The following SAMD4A variants were observed in gnomAD, a reference collection of about 807,000 sequenced individuals.
The protein encoded by SAMD4A is sterile alpha motif domain containing 4A, also known as protein Smaug homolog 1.
In SAMD4A, 33 loss-of-function variants were observed where a neutral mutation model predicts 81.3. The ratio of observed to expected loss-of-function variants is 0.41; its 90% confidence interval spans 0.31 to 0.54. The LOEUF is 0.54. Ranked by LOEUF, SAMD4A falls within the 20% of genes least tolerant of loss-of-function variation. The pLI is 0.37. For missense variants in SAMD4A, 854 were observed against 951.1 expected, an observed-to-expected ratio of 0.90 and a Z score of 1.34; for synonymous variants, 389 against 382.1, an observed-to-expected ratio of 1.02 and a Z score of -0.21.
rs1344485748 is a variant in SAMD4A, at chr14:54,724,040, G to GGAAGGAAGGAAGGAAGGAA, written c.716-12973_716-12972insGGAAGGAAGAAGGAAGGAA. Among the ~76,000 whole-genome samples the GGAAGGAAGGAAGGAAGGAA allele has an allele frequency of 9.7e-4, 146 of 150,882 alleles. 2 individuals are homozygous for GGAAGGAAGGAAGGAAGGAA. Among genetic ancestry groups the GGAAGGAAGGAAGGAAGGAA allele is most frequent in the African/African-American group, 3.4e-3 (141 of 41,148 alleles). Reference sequence around the variant, plus strand: ...AGGAAGGAAGGAAGGAAGGAAGGAAGGAAGGAAGGAATAATGCAGGACGCA... The same window carrying GGAAGGAAGGAAGGAAGGAA: ...AGGAAGGAAGGAAGGAAGGAAGGAAGGAAGGAAGGAAGGAAGGAAGAAGGAAGGAATAATGCAGGACGCA... On this transcript the variant is annotated intron_variant, in intron 3 of 12. Transcript: ENST00000554335.
In SAMD4A at chr14:54,737,010, AT is replaced by A. The variant is rs543681106; in HGVS notation, c.716-5del. On this transcript the variant is annotated splice_polypyrimidine_tract_variant and intron_variant, in intron 3 of 12. Coordinates refer to ENST00000554335, the MANE Select transcript of SAMD4A (RefSeq NM_015589.6). ...GGGGGGGAATAACCTATTTCATTTT[AT>A]TTTTTTTTCCAGTTCTCTCAGGCCA... is the stretch of plus-strand genomic sequence containing the variant. 19 of 1,594,084 alleles carry A rather than the reference AT, an allele frequency of 1.2e-5. No individual in the cohort carries two copies. Among genetic ancestry groups the A allele is most frequent in the South Asian group, 7.8e-5 (7 of 90,130 alleles).
intron 2 of SAMD4A, among the ~76,000 whole-genome samples, chr14:54,659,281 G>A (rs1191578858): frequency 6.6e-6 from 1 of 152,132 alleles, no homozygotes; most frequent in Admixed American, 6.5e-5. Context: ...AAATCTCTAT[G>A]GGTGTGGAAT....
intron 4 of SAMD4A, among the ~76,000 whole-genome samples, chr14:54,742,560 A>C (rs2037871486): frequency 6.6e-6 from 1 of 152,190 alleles, no homozygotes; most frequent in African/African-American, 2.4e-5. Context: ...AGCTGGGTAG[A>C]AAAAGCCATA....
At chr14:54,582,256 T>A (rs954754933) in intron 2 of SAMD4A, among the ~76,000 whole-genome samples, 38 of 152,126 alleles carry the variant, frequency 2.5e-4, no homozygotes, top group African/African-American at 7.5e-4. Flanking sequence ...GTTTTTTTTT[T>A]AATTTTATTT....
intron 4 of SAMD4A, among the ~76,000 whole-genome samples, chr14:54,740,691 T>C (rs1307816712): frequency 1.3e-5 from 2 of 152,188 alleles, no homozygotes; most frequent in African/African-American, 2.4e-5. Flanking sequence ...TCTTGCTCTT[T>C]GCGTTTTTCC....
intron 3 of SAMD4A, among the ~76,000 whole-genome samples, chr14:54,736,181 G>A (rs1445355809): frequency 6.6e-6 from 1 of 152,188 alleles, no homozygotes; most frequent in African/African-American, 2.4e-5. Context: ...AGTTATATGA[G>A]TTATGTTGCT....
chr14:54,734,129 T>C (rs1008511771), intron 3 of SAMD4A, among the ~76,000 whole-genome samples: 3 of 152,224 alleles, frequency 2.0e-5, no homozygotes, highest in African/African-American at 7.2e-5. Context: ...TCACCCCAAA[T>C]TGGCACTGTC....
At chr14:54,566,382 C>T (rs1163868426), upstream of SAMD4A, among the ~76,000 whole-genome samples, 1 of 151,798 alleles carries the variant, frequency 6.6e-6, no homozygotes, top group Non-Finnish European at 1.5e-5. Flanking sequence ...CCGGGGGCTT[C>T]CCCCTCCGCC....
At chr14:54,658,664 G>T (rs963836277) in intron 2 of SAMD4A, among the ~76,000 whole-genome samples, 1 of 152,100 alleles carries the variant, frequency 6.6e-6, no homozygotes, top group Non-Finnish European at 1.5e-5. Context: ...TGTGCCACTG[G>T]GATATTCCCA....
chr14:54,683,405 T>A (rs2036176797), intron 2 of SAMD4A, among the ~76,000 whole-genome samples: 1 of 152,146 alleles, frequency 6.6e-6, no homozygotes, highest in African/African-American at 2.4e-5. Context: ...CAAGAAAGAT[T>A]GAGGAAAAAT....
intron 3 of SAMD4A, among the ~76,000 whole-genome samples, chr14:54,714,785 C>G (rs1392164747): frequency 6.6e-6 from 1 of 152,128 alleles, no homozygotes; most frequent in Non-Finnish European, 1.5e-5. Flanking sequence ...AGCCCAGCCT[C>G]TGCAGTAAAC....
chr14:54,662,398 A>AT (rs574829875), intron 2 of SAMD4A, among the ~76,000 whole-genome samples: 6,041 of 125,752 alleles, frequency 0.048, 161 homozygotes, highest in Middle Eastern at 0.13. Context: ...TGGGACACTT[A>AT]TTTTTTTTTT....
intron 2 of SAMD4A, among the ~76,000 whole-genome samples, chr14:54,651,081 G>A (rs1305930040): frequency 6.6e-6 from 1 of 152,166 alleles, no homozygotes; most frequent in African/African-American, 2.4e-5. Context: ...TGGTTTAGAT[G>A]CCCTGGTGAT....
At chr14:54,601,846 T>C (rs1429262486) in intron 2 of SAMD4A, among the ~76,000 whole-genome samples, 1 of 152,242 alleles carries the variant, frequency 6.6e-6, no homozygotes, top group Non-Finnish European at 1.5e-5. Flanking sequence ...ATCACTATCC[T>C]AAGAACTAAT....
At chr14:54,754,921 A>G (rs1224164207) in intron 6 of SAMD4A, 4 of 878,838 alleles carry the variant, frequency 4.6e-6, no homozygotes, top group Middle Eastern at 3.0e-4. Context: ...GGTTCCTGCA[A>G]TGGGGAGCTG....
intron 9 of SAMD4A, 121 bp from the exon 10 acceptor site, chr14:54,774,813 C>CA (rs546617416): frequency 0.02 from 12,600 of 638,042 alleles, 31 homozygotes; most frequent in Middle Eastern, 0.022. Flanking sequence ...GACCCTGACT[C>CA]AAAAAAAAAA....
chr14:54,675,367 CAAAAAAAA>C (rs59110762), intron 2 of SAMD4A, among the ~76,000 whole-genome samples: 1 of 75,390 alleles, frequency 1.3e-5, no homozygotes, highest in Non-Finnish European at 2.5e-5. Flanking sequence ...ACTCCGTCTC[CAAAAAAAA>C]AAAAAAAAAA....
Position 54,702,478 on chromosome 14 carries a change from T to C in SAMD4A, c.613T>C (p.Trp205Arg), listed in dbSNP as rs771960895. The change falls in exon 3 of 13, where the codon TGG becomes CGG. Residue 205 changes from tryptophan to arginine, a missense_variant. By Grantham distance (101) the Trp-to-Arg change is moderately radical. This residue lies in a region of SAMD4A where 387 missense variants were observed against 405.8 expected (regional missense o/e 0.95). Coordinates refer to ENST00000554335, the MANE Select transcript of SAMD4A (RefSeq NM_015589.6). ...TGGGATTTGCATCAATGCCTCCAAC[T>C]GGCAGGACAAAAGCATGGGGTGTGA... ...DSGICINASN[W>R]QDKSMGCENG... 1 of 1,614,186 alleles carries C rather than the reference T, an allele frequency of 6.2e-7. No individual in the cohort carries two copies. Among genetic ancestry groups the C allele is most frequent in the South Asian group, 1.1e-5 (1 of 91,086 alleles).
At chr14:54,727,683 T>C (rs1196708434) in intron 3 of SAMD4A, among the ~76,000 whole-genome samples, 2 of 152,200 alleles carry the variant, frequency 1.3e-5, no homozygotes, top group African/African-American at 4.8e-5. Flanking sequence ...TGTATTTGTG[T>C]CTGTGTATGA....
Sources: allele counts gnomAD v4.1 joint callset (sites outside exome capture counted in the v4.1 genomes callset), GRCh38; gene constraint gnomAD v4.1.1; regional missense constraint gnomAD v4.1.1; transcripts MANE v1.5; gene names NCBI Gene and HGNC (gene_info 2026-07-23, HGNC 2026-07-21).